The following GRAMD1B variants were observed in gnomAD, a reference collection of about 807,000 sequenced individuals.
GRAMD1B encodes the protein GRAM domain containing 1B, also known as protein Aster-B.
GRAMD1B carries 37 observed loss-of-function variants against 99.7 expected under a neutral mutation model. The ratio of observed to expected loss-of-function variants is 0.37; its 90% CI spans 0.29 to 0.49. GRAMD1B has a LOEUF of 0.49. Among genes scored for constraint, GRAMD1B ranks in the 20% least tolerant of loss-of-function variants. The pLI, the probability that GRAMD1B is intolerant of heterozygous loss-of-function variation, is 0.98. For missense variants in GRAMD1B, 888 were observed against 1,009.2 expected, an observed-to-expected ratio of 0.88 and a Z score of 1.63; for synonymous variants, 427 against 387.6, an observed-to-expected ratio of 1.10 and a Z score of -1.19.
At chr11:123,598,461 A>G (rs1226021892) in intron 7 of GRAMD1B, 2 of 1,001,488 alleles carry the variant, frequency 2.0e-6, no homozygotes, top group Non-Finnish European at 1.6e-6. Flanking sequence ...GAGAATCTCT[A>G]CGTATTCATA....
intron 1 of GRAMD1B, among the ~76,000 whole-genome samples, chr11:123,368,500 T>C (rs1363689894): frequency 6.6e-6 from 1 of 150,500 alleles, no homozygotes; most frequent in East Asian, 2.0e-4. Context: ...GGCCAAATGG[T>C]GAAACCCCAT....
At chr11:123,498,553 T>G (rs1454529521) in intron 2 of GRAMD1B, among the ~76,000 whole-genome samples, 1 of 152,232 alleles carries the variant, frequency 6.6e-6, no homozygotes, top group Non-Finnish European at 1.5e-5. Flanking sequence ...TTTTTGTGTG[T>G]AGGTAGTTTA....
At chr11:123,415,175 T>C (rs1948192974) in intron 1 of GRAMD1B, among the ~76,000 whole-genome samples, 1 of 136,734 alleles carries the variant, frequency 7.3e-6, no homozygotes, top group Non-Finnish European at 1.5e-5. Context: ...CGATCTTGGA[T>C]CACTGCAACC....
intron 7 of GRAMD1B, chr11:123,598,408 G>A (rs1335714909): frequency 4.3e-6 from 4 of 940,122 alleles, no homozygotes; most frequent in Non-Finnish European, 7.1e-6. Flanking sequence ...GTCCTTGCTT[G>A]CTCGCGTTGT....
At chr11:123,484,873 C>T (rs1337263666) in intron 2 of GRAMD1B, among the ~76,000 whole-genome samples, 2 of 152,194 alleles carry the variant, frequency 1.3e-5, no homozygotes, top group African/African-American at 4.8e-5. Context: ...AGTTAAGAGT[C>T]TCCAGGTGTT....
At chr11:123,459,751 TA>T (rs1950325228) in intron 1 of GRAMD1B, 1 of 152,182 alleles carries the variant, frequency 6.6e-6, no homozygotes, top group Non-Finnish European at 1.5e-5. Context: ...CTTTATACTT[TA>T]AGTCCTGTTC....
chr11:123,467,809 TTCTTTTCTTTTCCCTCCCTCCCTCCCTC>T (rs1353675039), intron 1 of GRAMD1B, among the ~76,000 whole-genome samples: 3 of 147,338 alleles, frequency 2.0e-5, no homozygotes. Context: ...TTCTTTTTCT[TTCTTTTCTTTTCCCTCCCTCCCTCCCTC>T]CCTCCCTTCC....
chr11:123,504,928 A>T (rs139107205), intron 2 of GRAMD1B, among the ~76,000 whole-genome samples: 2,446 of 152,172 alleles, frequency 0.016, 41 homozygotes, highest in Middle Eastern at 0.044. Flanking sequence ...GTGATCCTCC[A>T]GCCTTGGCCT....
rs536560079 is a variant in GRAMD1B, at chr11:123,623,144, C to T, written c.*549C>T. The T allele has an allele frequency of 3.9e-5, 6 of 152,226 alleles. No homozygotes were observed. In the East Asian group the frequency reaches 5.8e-4, roughly 15 times the overall value. 9.4% of individuals were successfully genotyped at this position (152,226 alleles called of 1,614,324 possible). A position where few individuals can be genotyped will look rare whatever the true frequency, so the allele number is the denominator to read the frequency against. On this transcript the variant is annotated 3_prime_UTR_variant, in exon 20 of 20. Coordinates refer to ENST00000635736, the MANE Select transcript of GRAMD1B (RefSeq NM_001387025.1). ...CCTAGGGTTGGCCGCCCACTTGATC[C>T]AGACCGTACTGAGTGTCAGATGGAG... is the stretch of plus-strand genomic sequence containing the variant.
At chr11:123,557,258 G>T (rs113596084) in intron 2 of GRAMD1B, among the ~76,000 whole-genome samples, 2 of 152,170 alleles carry the variant, frequency 1.3e-5, no homozygotes, top group Non-Finnish European at 2.9e-5. Context: ...CAAGTGAAGC[G>T]CTTCTCATCA....
At chr11:123,422,998 C>CA (rs1948507877) in intron 1 of GRAMD1B, among the ~76,000 whole-genome samples, 1 of 152,034 alleles carries the variant, frequency 6.6e-6, no homozygotes. Flanking sequence ...GATAGGCATT[C>CA]AAAAAATATT....
intron 1 of GRAMD1B, chr11:123,435,723 A>G (rs1949128150): frequency 2.6e-6 from 1 of 381,748 alleles, no homozygotes; most frequent in South Asian, 9.2e-5. Flanking sequence ...GTTTAAAGTG[A>G]AATTCTTTTA....
rs116275157 is a variant in GRAMD1B, at chr11:123,479,572, G to A, written c.375-1244G>A. Among the ~76,000 whole-genome samples, 725 of 152,188 alleles carry A rather than the reference G, an allele frequency of 4.8e-3. 6 individuals are homozygous for A. The highest frequency in any genetic ancestry group is 0.015 in the African/African-American group (635 of 41,530). The stretch of plus-strand genomic sequence containing the variant: ...TATTAATAGAACCTATGTGAAGCAG[G>A]GGTTGGCCAACTTCCTGGTAATAAG... On this transcript the variant is annotated intron_variant, in intron 1 of 19. Coordinates refer to ENST00000635736, the MANE Select transcript of GRAMD1B (RefSeq NM_001387025.1).
intron 2 of GRAMD1B, among the ~76,000 whole-genome samples, chr11:123,526,852 T>G (rs1192052654): frequency 1.4e-5 from 2 of 142,370 alleles, no homozygotes; most frequent in African/African-American, 6.2e-5. Context: ...AGTCAGAATA[T>G]TTTTACCTTC....
At chr11:123,468,200 CAAGG>C in intron 1 of GRAMD1B, among the ~76,000 whole-genome samples, 1 of 152,166 alleles carries the variant, frequency 6.6e-6, no homozygotes, top group East Asian at 1.9e-4. Context: ...AAAGTATGCA[CAAGG>C]AAGGAAGGTG....
intron 1 of GRAMD1B, among the ~76,000 whole-genome samples, chr11:123,431,816 C>A (rs952694941): frequency 1.5e-4 from 23 of 152,158 alleles, no homozygotes; most frequent in Non-Finnish European, 1.2e-4. Context: ...GTCAATGTGG[C>A]ATCTGGGTAA....
chr11:123,566,139 G>T (rs1346336629), intron 2 of GRAMD1B, among the ~76,000 whole-genome samples: 1 of 152,136 alleles, frequency 6.6e-6, no homozygotes, highest in Non-Finnish European at 1.5e-5. Flanking sequence ...GGGATGCATG[G>T]TCTAATTAGG....
At chr11:123,558,553 T>G (rs934133086) in intron 2 of GRAMD1B, among the ~76,000 whole-genome samples, 1 of 152,142 alleles carries the variant, frequency 6.6e-6, no homozygotes, top group African/African-American at 2.4e-5. Flanking sequence ...ATGAAGAAAC[T>G]GAGTTTGAGA....
intron 2 of GRAMD1B, among the ~76,000 whole-genome samples, chr11:123,515,144 C>T (rs546217972): frequency 2.8e-4 from 42 of 152,282 alleles, no homozygotes; most frequent in Non-Finnish European, 4.3e-4. Flanking sequence ...TAGGGTGAAT[C>T]GTTGGTTTCT....
Sources: allele counts gnomAD v4.1 joint callset (sites outside exome capture counted in the v4.1 genomes callset), GRCh38; gene constraint gnomAD v4.1.1; transcripts MANE v1.5; gene names NCBI Gene and HGNC (gene_info 2026-07-23, HGNC 2026-07-21).